Variants in WLS observed in about 807,000 individuals in gnomAD.
WLS encodes the protein protein wntless homolog.
In WLS, 23 loss-of-function variants were observed where a neutral mutation model predicts 62.8. The observed-to-expected ratio is 0.37, with a 90% CI of 0.26 to 0.52. The LOEUF (loss-of-function observed/expected upper bound fraction) is 0.52, where lower values mean the gene tolerates loss of function less well. Ranked by LOEUF, WLS falls within the 20% of genes least tolerant of loss-of-function variation. WLS has a pLI of 0.92. For synonymous variants in WLS, 246 were observed against 244.1 expected, an observed-to-expected ratio of 1.01 and a Z score of -0.07; for missense variants, 615 against 697.3, an observed-to-expected ratio of 0.88 and a Z score of 1.33.
At chr1:68,192,364 C>A (rs1458579742) in intron 2 of WLS, among the ~76,000 whole-genome samples, 1 of 151,866 alleles carries the variant, frequency 6.6e-6, no homozygotes, top group East Asian at 1.9e-4. Context: ...CAGCTGTAAA[C>A]CAAAAATTTG....
At chr1:68,102,995 G>T (rs80284469) in intron 11 of WLS, among the ~76,000 whole-genome samples, 1 of 151,274 alleles carries the variant, frequency 6.6e-6, no homozygotes, top group African/African-American at 2.4e-5. Context: ...CCTTTTTTTT[G>T]CCGGGGGCAC....
intron 5 of WLS, 66 bp from the exon 6 acceptor site, chr1:68,150,422 C>T: frequency 6.3e-7 from 1 of 1,588,016 alleles, no homozygotes; most frequent in East Asian, 2.2e-5. Flanking sequence ...CAAACAATTC[C>T]CCGAATTCAG....
At chr1:68,167,433 AAC>A (rs1647075525) in intron 2 of WLS, among the ~76,000 whole-genome samples, 1 of 152,130 alleles carries the variant, frequency 6.6e-6, no homozygotes, top group Admixed American at 6.5e-5. Context: ...CATTTAATAA[AAC>A]ACTGGTTTCA....
chr1:68,181,011 A>G lies in WLS; in HGVS notation c.379+12944T>C, dbSNP rs184520508. On this transcript the variant is annotated intron_variant, in intron 2 of 11. Coordinates refer to ENST00000262348, the MANE Select transcript of WLS (RefSeq NM_024911.7). ...TAGACAATAGGTAGGGTTGGGGAAAATGGTTTTTTCCAATGTAGAGTCCCT... is the reference window on the plus strand; with the variant it reads ...TAGACAATAGGTAGGGTTGGGGAAAGTGGTTTTTTCCAATGTAGAGTCCCT... Among the ~76,000 whole-genome samples, 461 of 152,232 alleles carry G rather than the reference A, an allele frequency of 3.0e-3. 3 individuals are homozygous for G. The highest frequency in any genetic ancestry group is 0.01 in the African/African-American group (435 of 41,550).
At chr1:68,123,699 C>A (rs547156925), downstream of WLS, among the ~76,000 whole-genome samples, 1 of 152,156 alleles carries the variant, frequency 6.6e-6, no homozygotes, top group Non-Finnish European at 1.5e-5. Flanking sequence ...CCCAAGCAGC[C>A]ATTTGACCTG....
At chr1:68,186,416 C>T in intron 2 of WLS, 1 of 352,570 alleles carries the variant, frequency 2.8e-6, no homozygotes, top group East Asian at 7.4e-5. Flanking sequence ...ATTATAAACC[C>T]AAGCTTTAAT....
chr1:68,209,785 A>C (rs1263701144), intron 1 of WLS, among the ~76,000 whole-genome samples: 1 of 152,166 alleles, frequency 6.6e-6, no homozygotes, highest in Non-Finnish European at 1.5e-5. Flanking sequence ...CCGTTTCAAA[A>C]AAAAAAAAGA....
At chr1:68,113,215 T>G (rs1646250720) in intron 11 of WLS, among the ~76,000 whole-genome samples, 1 of 152,192 alleles carries the variant, frequency 6.6e-6, no homozygotes, top group Non-Finnish European at 1.5e-5. Flanking sequence ...TCCTTATAGG[T>G]GGAGGCCTTA....
At chr1:68,195,493 T>C (rs1034069388) in intron 1 of WLS, among the ~76,000 whole-genome samples, 3 of 152,240 alleles carry the variant, frequency 2.0e-5, no homozygotes, top group African/African-American at 7.2e-5. Flanking sequence ...ATTTTCTTTA[T>C]AATTAAAATC....
At position 68,145,961 on chromosome 1, in the gene WLS, G is replaced by T; in HGVS notation, c.1186C>A (p.Leu396Ile). Residue 396 changes from leucine to isoleucine, a missense_variant, in exon 9 of 12, where the codon CTA becomes ATA. Transcript: ENST00000262348. Reference sequence around the variant, plus strand: ...AACACCTGAAATACCATGAAGCATAGAAACAGGAAGTAGAGGCAGAGGCAG... The same window carrying T: ...AACACCTGAAATACCATGAAGCATATAAACAGGAAGTAGAGGCAGAGGCAG... ...GICLCLYFLF[L>I]CFMVFQVFRN... The T allele has an allele frequency of 6.2e-7, 1 of 1,614,174 alleles. No individual in the cohort carries two copies. The highest frequency in any genetic ancestry group is 8.5e-7 in the Non-Finnish European group (1 of 1,180,042).
intron 1 of WLS, chr1:68,231,835 AG>A: frequency 7.5e-6 from 3 of 397,466 alleles, no homozygotes; most frequent in Non-Finnish European, 1.4e-5. Context: ...CGAGAGGAAA[AG>A]GGGGGGAACG....
intron 1 of WLS, among the ~76,000 whole-genome samples, chr1:68,223,860 T>C (rs1475178736): frequency 6.6e-6 from 1 of 152,196 alleles, no homozygotes; most frequent in Non-Finnish European, 1.5e-5. Context: ...AGAAGCTCTC[T>C]CTTTTGGAGG....
chr1:68,222,454 ATTTTC>A lies in WLS; in HGVS notation c.106+9735_106+9739del, dbSNP rs529327890. Among the ~76,000 whole-genome samples the A allele has an allele frequency of 7.9e-3, 1,204 of 152,250 alleles. 15 individuals are homozygous for A. The highest frequency in any genetic ancestry group is 0.011 in the Non-Finnish European group (772 of 68,004). Reference sequence around the variant, plus strand: ...GAGATGACAAAGTTATTGCTATTTTATTTTCAAGTGACAGAAAAATCAATCGAGCT... The same window carrying A: ...GAGATGACAAAGTTATTGCTATTTTAAAGTGACAGAAAAATCAATCGAGCT... On this transcript the variant is annotated intron_variant, in intron 1 of 11. Transcript: ENST00000262348.
chr1:68,185,632 G>A (rs901797252), intron 2 of WLS, among the ~76,000 whole-genome samples: 4 of 152,168 alleles, frequency 2.6e-5, no homozygotes, highest in African/African-American at 9.7e-5. Context: ...CTGATGATCT[G>A]AAGCGGAACC....
At position 68,115,012 on chromosome 1, in the gene WLS, ATCT is replaced by A. The variant is rs558329842; in HGVS notation, c.1511-16262_1511-16260del. ...CTAAGCTTGGATTATAAGGCCTGGG[ATCT>A]TCTCATAATGCTGGTCTGCAGCCAC... is the stretch of plus-strand genomic sequence containing the variant. On this transcript the variant is annotated intron_variant, in intron 11 of 11. Transcript: ENST00000354777. Among the ~76,000 whole-genome samples, 243 of 152,238 alleles carry A rather than the reference ATCT, an allele frequency of 1.6e-3. 2 individuals carry two copies. Among genetic ancestry groups the A allele is most frequent in the African/African-American group, 5.4e-3 (226 of 41,522 alleles).
intron 1 of WLS, among the ~76,000 whole-genome samples, chr1:68,231,202 T>C (rs1380224580): frequency 6.6e-6 from 1 of 151,598 alleles, no homozygotes; most frequent in Non-Finnish European, 1.5e-5. Context: ...GGAAGGGAGT[T>C]TTTCCGAGTG....
chr1:68,144,763 A>C, intron 9 of WLS, 111 bp from the exon 10 acceptor site: 4 of 820,320 alleles, frequency 4.9e-6, no homozygotes, highest in Non-Finnish European at 7.5e-6. Context: ...CCAAATCCCT[A>C]AGAATGACAG....
intron 11 of WLS, among the ~76,000 whole-genome samples, chr1:68,120,035 T>C (rs1557453335): frequency 6.6e-6 from 1 of 152,060 alleles, no homozygotes; most frequent in African/African-American, 2.4e-5. Context: ...GTCCAGATGA[T>C]AAATGAAATT....
At chr1:68,136,111 A>C (rs1646606219) in intron 11 of WLS, among the ~76,000 whole-genome samples, 1 of 152,164 alleles carries the variant, frequency 6.6e-6, no homozygotes, top group Admixed American at 6.5e-5. Context: ...CAAATACAGG[A>C]TGAAGACAGA....
Sources: allele counts gnomAD v4.1 joint callset (sites outside exome capture counted in the v4.1 genomes callset), GRCh38; gene constraint gnomAD v4.1.1; transcripts MANE v1.5; gene names NCBI Gene and HGNC (gene_info 2026-07-23, HGNC 2026-07-21).